ERF: variants seen among roughly 807,000 people sequenced by gnomAD.
ERF encodes the protein ETS domain-containing transcription factor ERF.
In ERF, 10 loss-of-function variants were observed where a neutral mutation model predicts 41.6. The ratio of observed to expected loss-of-function variants is 0.24; its 90% confidence interval spans 0.15 to 0.41. The LOEUF (loss-of-function observed/expected upper bound fraction) is 0.41. ERF is among the 10% of genes least tolerant of loss of function. The probability of loss-of-function intolerance (pLI) is 1.00; values close to 1 mark genes in which losing one functional copy is unlikely to be tolerated. For synonymous variants in ERF, 395 were observed against 342.4 expected, an observed-to-expected ratio of 1.15 and a Z score of -1.70; for missense variants, 621 against 763.2, an observed-to-expected ratio of 0.81 and a Z score of 2.19.
Position 42,249,387 on chromosome 19 carries a change from G to A in ERF, c.725C>T (p.Pro242Leu). Residue 242 changes from proline (P) to leucine (L), a missense_variant, in exon 4 of 4, where the codon CCT becomes CTT. Coordinates refer to ENST00000222329, the MANE Select transcript of ERF (RefSeq NM_006494.4). The surrounding 1 kb of genome is among the most constrained non-coding windows in gnomAD (Gnocchi z 8.6). ...CACAGGGAAGGGGCTGAGGGGTTCAGGGCCACCCCGAGGCCGGGGATAGAC... is the reference window on the plus strand; with the variant it reads ...CACAGGGAAGGGGCTGAGGGGTTCAAGGCCACCCCGAGGCCGGGGATAGAC... ...FRVYPRPRGG[P>L]EPLSPFPVSP... 2 of 1,574,536 alleles carry A rather than the reference G, an allele frequency of 1.3e-6. No individual in the cohort carries two copies. Among genetic ancestry groups the A allele is most frequent in the Non-Finnish European group, 8.6e-7 (1 of 1,160,832 alleles).
rs1215762141 is a variant in ERF, at chr19:42,252,506, G to A, written c.23-1941C>T. Among the ~76,000 whole-genome samples, 3 of 152,294 alleles carry A rather than the reference G, an allele frequency of 2.0e-5. No individual in the cohort carries two copies. The East Asian group carries it at 5.8e-4, about 29-fold the overall frequency. On this transcript the variant is annotated intron_variant, in intron 1 of 3. Coordinates refer to ENST00000222329, the MANE Select transcript of ERF (RefSeq NM_006494.4). ...TGAGAGAGACTACATGCAACACAAA[G>A]GGAACTCGGAAAGGAGGTGGGGGGG... is the stretch of plus-strand genomic sequence containing the variant.
At chr19:42,253,891 GA>G in intron 1 of ERF, 1 of 1,082,796 alleles carries the variant, frequency 9.2e-7, no homozygotes. Flanking sequence ...GCCGCCGGGG[GA>G]AGGAAACAAG....
Position 42,248,394 on chromosome 19 carries a change from G to C in ERF, c.*71C>G. ...ACAAGAGAGCTGCCCTCACCTCCAG[G>C]GCATAGGGGGCTTAAGGCAGCAAAA... On this transcript the variant is annotated 3_prime_UTR_variant, in exon 4 of 4. Transcript: ENST00000222329. This position sits in a 1 kb window ranked among gnomAD's most constrained non-coding sequence, Gnocchi z 4.2. 1 of 1,343,876 alleles carries C rather than the reference G, an allele frequency of 7.4e-7. No homozygotes were observed. The highest frequency in any genetic ancestry group is 9.7e-7 in the Non-Finnish European group (1 of 1,034,252). 83.2% of individuals were successfully genotyped at this position (1,343,876 alleles called of 1,614,324 possible). A position where few individuals can be genotyped will look rare whatever the true frequency, so the allele number is the denominator to read the frequency against.
rs370634155 is a variant in ERF, at chr19:42,249,161, G to A, written c.951C>T (p.His317=). Residue 317 remains histidine, a synonymous_variant, in exon 4 of 4, where the codon CAC becomes CAT. Transcript: ENST00000222329. The surrounding 1 kb of genome is among the most constrained non-coding windows in gnomAD (Gnocchi z 8.6). ...PEDMKRYLQA[H]TQSVYNYHLS... is the part of the protein sequence containing the mutation. ...GGTGGTAGTTGTAGACGCTTTGGGTGTGGGCCTGCAGGTACCGTTTCATGT... is the reference window on the plus strand; with the variant it reads ...GGTGGTAGTTGTAGACGCTTTGGGTATGGGCCTGCAGGTACCGTTTCATGT... The A allele has an allele frequency of 1.2e-6, 2 of 1,613,804 alleles. No homozygotes were observed. Among genetic ancestry groups the A allele is most frequent in the African/African-American group, 1.3e-5 (1 of 74,908 alleles).
At position 42,248,760 on chromosome 19, in the gene ERF, C is replaced by A. The variant is rs778754760; in HGVS notation, c.1352G>T (p.Gly451Val). The A allele has an allele frequency of 1.2e-6, 2 of 1,613,584 alleles. No homozygotes were observed. Among genetic ancestry groups the A allele is most frequent in the South Asian group, 2.2e-5 (2 of 91,084 alleles). The change falls in exon 4 of 4, where the codon GGG becomes GTG. Residue 451 changes from glycine (G) to valine (V), a missense_variant. By Grantham distance (109) the Gly-to-Val change is moderately radical. Coordinates refer to ENST00000222329, the MANE Select transcript of ERF (RefSeq NM_006494.4). The surrounding 1 kb of genome is among the most constrained non-coding windows in gnomAD (Gnocchi z 4.2). Reference protein sequence around the residue: ...TDISDEDEEDGEVFKTPRAPP... With the variant: ...TDISDEDEEDVEVFKTPRAPP... Reference sequence around the variant, plus strand: ...GGCACGGGGCGTCTTGAACACCTCCCCGTCTTCCTCATCCTCATCACTGAT... The same window carrying A: ...GGCACGGGGCGTCTTGAACACCTCCACGTCTTCCTCATCCTCATCACTGAT...
Position 42,254,964 on chromosome 19 carries a change from G to A in ERF, c.22+14C>T. On this transcript the variant is annotated intron_variant, in intron 1 of 3. Transcript: ENST00000222329. ...GCAACAAGTCTCCCCCACACGTGCTGCCCCCGCCCCCACCTGTGTCCGCCG... is the reference window on the plus strand; with the variant it reads ...GCAACAAGTCTCCCCCACACGTGCTACCCCCGCCCCCACCTGTGTCCGCCG... The A allele has an allele frequency of 6.7e-6, 10 of 1,494,552 alleles. No individual in the cohort carries two copies. The highest frequency in any genetic ancestry group is 8.8e-6 in the Non-Finnish European group (10 of 1,130,822). 92.6% of individuals were successfully genotyped at this position (1,494,552 alleles called of 1,614,324 possible).
rs775081160 is a variant in ERF, at chr19:42,249,587, A to G, written c.525T>C (p.Ala175=). ...CSSSSSSLFS[A]VVARRLGRGS... ...CTCGGCCCAGGCGGCGGGCCACCAC[A>G]GCCGAGAAGAGGGAAGATGAAGATG... Residue 175 remains alanine, a synonymous_variant, in exon 4 of 4, where the codon GCT becomes GCC. Coordinates refer to ENST00000222329, the MANE Select transcript of ERF (RefSeq NM_006494.4). This position sits in a 1 kb window ranked among gnomAD's most constrained non-coding sequence, Gnocchi z 8.6. 1 of 1,613,504 alleles carries G rather than the reference A, an allele frequency of 6.2e-7. No homozygotes were observed.
At chr19:42,252,034 C>A (rs150655724) in intron 1 of ERF, among the ~76,000 whole-genome samples, 1 of 152,192 alleles carries the variant, frequency 6.6e-6, no homozygotes, top group Non-Finnish European at 1.5e-5. Context: ...CCTTTGACAA[C>A]CCCTTCCAGA....
intron 1 of ERF, chr19:42,253,821 TG>T: frequency 1.1e-6 from 1 of 922,152 alleles, no homozygotes; most frequent in Non-Finnish European, 1.3e-6. Context: ...GTGGGGTGGG[TG>T]GGCCGGTCGG....
intron 1 of ERF, among the ~76,000 whole-genome samples, chr19:42,253,449 G>A (rs2036478433): frequency 1.3e-5 from 2 of 151,602 alleles, no homozygotes; most frequent in African/African-American, 4.9e-5. Flanking sequence ...ACACTGTCCC[G>A]CCCCCCGACA....
chr19:42,251,135 C>T (rs1390511306), intron 1 of ERF: 31 of 831,802 alleles, frequency 3.7e-5, no homozygotes, highest in Non-Finnish European at 4.2e-5. Flanking sequence ...ATGAGGTCAG[C>T]GCTTGCACAC....
rs759570663 is a variant in ERF at position 42,249,061 on chromosome 19, G to T, written c.1051C>A (p.Pro351Thr). 1.9e-6 allele frequency: 3 copies of T among 1,612,858 alleles called. No homozygotes were observed. The highest frequency in any genetic ancestry group is 2.5e-6 in the Non-Finnish European group (3 of 1,179,466). ...QPQRPDKCPLPPMAPETPPVP... is the reference protein window; with the variant it reads ...QPQRPDKCPLTPMAPETPPVP... The stretch of plus-strand genomic sequence containing the variant: ...GGTGGGGTCTCGGGTGCCATGGGCG[G>T]CAGCGGGCACTTGTCAGGGCGCTGG... The change falls in exon 4 of 4, where the codon CCG becomes ACG. Residue 351 changes from proline (P) to threonine (T), a missense_variant. Transcript: ENST00000222329. The surrounding 1 kb of genome is among the most constrained non-coding windows in gnomAD (Gnocchi z 8.6).
Position 42,249,109 on chromosome 19 carries a change from G to A in ERF, c.1003C>T (p.Pro335Ser). ...TGGGGCTGGGGCACCACCAGCCCAG[G>A]GTAGTGCAGGAAGGCGCGGGGGCTG... ...HLSPRAFLHY[P>S]GLVVPQPQRP... The change falls in exon 4 of 4, where the codon CCT becomes TCT. Residue 335 changes from proline to serine, a missense_variant. Around this residue, in one of 3 missense-constraint regions of ERF, gnomAD observed 569 missense variants for 625.5 expected, o/e 0.91. Coordinates refer to ENST00000222329, the MANE Select transcript of ERF (RefSeq NM_006494.4). The surrounding 1 kb of genome is among the most constrained non-coding windows in gnomAD (Gnocchi z 8.6). 1.2e-6 allele frequency: 2 copies of A among 1,613,858 alleles called. No individual in the cohort carries two copies. Among genetic ancestry groups the A allele is most frequent in the South Asian group, 1.1e-5 (1 of 91,086 alleles).
At chr19:42,253,653 A>C (rs1325254553) in intron 1 of ERF, among the ~76,000 whole-genome samples, 1 of 150,298 alleles carries the variant, frequency 6.7e-6, no homozygotes, top group African/African-American at 2.5e-5. Context: ...ACCCTACCGC[A>C]CTCCGCACCC....
rs2036412444 is a variant in ERF, at chr19:42,249,742, G to C, written c.374-4C>G. 3.1e-6 allele frequency: 5 copies of C among 1,606,998 alleles called. No individual in the cohort carries two copies. The East Asian group carries it at 8.9e-5, about 29-fold the overall frequency. ...GCACTCTGGGGCACTGCACCCCCTG[G>C]CAGAAGGGAGACAGTGTCAAGGCCC... is the stretch of plus-strand genomic sequence containing the variant. On this transcript the variant is annotated splice_polypyrimidine_tract_variant and splice_region_variant and intron_variant, in intron 3 of 3. Transcript: ENST00000222329. The surrounding 1 kb of genome is among the most constrained non-coding windows in gnomAD (Gnocchi z 8.6).
intron 1 of ERF, chr19:42,254,694 C>T (rs746421502): frequency 3.7e-4 from 126 of 336,312 alleles, no homozygotes; most frequent in Non-Finnish European, 6.1e-4. Flanking sequence ...CCCGCCACCC[C>T]CGTGATCCCG....
rs775409470 is a variant in ERF, at chr19:42,249,454, G to C, written c.658C>G (p.Pro220Ala). ...TCATGGGGCAGGCGGGCCAGCGGGG[G>C]CCCTCGGAAGGCACCCAGATCCGGA... The part of the protein sequence containing the change: ...GPPDLGAFRG[P>A]PLARLPHDPG... The change falls in exon 4 of 4, where the codon CCC becomes GCC. Residue 220 changes from proline to alanine, a missense_variant. Physicochemically the swap from Pro to Ala is conservative, Grantham distance 27. This residue lies in a region of ERF where 569 missense variants were observed against 625.5 expected (regional missense o/e 0.91). Coordinates refer to ENST00000222329, the MANE Select transcript of ERF (RefSeq NM_006494.4). The surrounding 1 kb of genome is among the most constrained non-coding windows in gnomAD (Gnocchi z 8.6). 3 of 1,598,646 alleles carry C rather than the reference G, an allele frequency of 1.9e-6. No homozygotes were observed. In the Admixed American group the frequency reaches 5.2e-5, roughly 28 times the overall value.
Position 42,249,315 on chromosome 19 carries a change from G to A in ERF, c.797C>T (p.Pro266Leu), listed in dbSNP as rs1436649291. 15 of 1,590,972 alleles carry A rather than the reference G, an allele frequency of 9.4e-6. No homozygotes were observed. The highest frequency in any genetic ancestry group is 1.8e-5 in the Admixed American group (1 of 55,522). ...PGSLLPPQLS[P>L]ALPMTPTHLA... ...GTGGGTGGGCGTCATGGGCAGAGCC[G>A]GGGAGAGCTGAGGGGGCAGCAGGGA... Residue 266 changes from proline to leucine, a missense_variant, in exon 4 of 4, where the codon CCG (proline) becomes CTG (leucine). Coordinates refer to ENST00000222329, the MANE Select transcript of ERF (RefSeq NM_006494.4). The surrounding 1 kb of genome is among the most constrained non-coding windows in gnomAD (Gnocchi z 8.6).
Position 42,254,983 on chromosome 19 carries a change from T to G in ERF, c.17A>C (p.Asp6Ala). 6.8e-7 allele frequency: 1 copy of G among 1,474,230 alleles called. No homozygotes were observed. Among genetic ancestry groups the G allele is most frequent in the South Asian group, 1.5e-5 (1 of 68,226 alleles). The allele number at this position is 1,474,230 out of a possible 1,614,324, so 91.3% of individuals were successfully genotyped here. Residue 6 changes from aspartate to alanine, a missense_variant, in exon 1 of 4, where the codon GAC becomes GCC. Around this residue, in one of 3 missense-constraint regions of ERF, gnomAD observed 34 missense variants for 56.8 expected, o/e 0.60. Coordinates refer to ENST00000222329, the MANE Select transcript of ERF (RefSeq NM_006494.4). ...CGTGCTGCCCCCGCCCCCACCTGTG[T>G]CCGCCGGGGTCTTCATGCTGGGGGG... MKTPA[D>A]TGFAFPDWAY...
Sources: gnomAD v4.1 joint callset for allele counts (sites outside exome capture counted in the v4.1 genomes callset) on GRCh38, gnomAD v4.1.1 for gene constraint, gnomAD v4.1.1 regional missense constraint, Gnocchi (gnomAD v3.1) non-coding constraint, MANE v1.5 for transcripts, NCBI Gene and HGNC (gene_info 2026-07-23, HGNC 2026-07-21) for gene names.